Variants in RILPL1 observed in about 807,000 individuals in gnomAD.
RILPL1 encodes RILP-like protein 1.
In RILPL1, 33 loss-of-function variants were observed where a neutral mutation model predicts 50.3. The ratio of observed to expected loss-of-function variants is 0.66; its 90% CI spans 0.50 to 0.88. The LOEUF is 0.88. Ranked by LOEUF, RILPL1 falls within the 40% of genes least tolerant of loss-of-function variation. RILPL1 has a pLI of 0.00. For synonymous variants in RILPL1, 205 were observed against 228.6 expected (o/e 0.90, Z 0.93); for missense variants, 418 against 542.5 (o/e 0.77, Z 2.28).
chr12:123,475,343 C>T, intron 6 of RILPL1: 1 of 356,348 alleles, frequency 2.8e-6, no homozygotes, highest in Non-Finnish European at 5.3e-6. Flanking sequence ...TCGGGGACCG[C>T]AGTGGGCGTT....
chr12:123,473,917 T>C (rs1444005506), intron 6 of RILPL1: 2 of 152,104 alleles, frequency 1.3e-5, no homozygotes, highest in Non-Finnish European at 2.9e-5. Context: ...ATTTTTGAGA[T>C]GGGGTTTCAC....
chr12:123,507,519 G>A (rs1056041375), intron 2 of RILPL1, among the ~76,000 whole-genome samples: 4 of 132,838 alleles, frequency 3.0e-5, no homozygotes, highest in African/African-American at 8.3e-5. Flanking sequence ...GAGCTATGTC[G>A]TGCCACTGGA....
In RILPL1 at chr12:123,507,814, G is replaced by A. The variant is rs1593576778; in HGVS notation, c.461-8278C>T. The stretch of plus-strand genomic sequence containing the variant: ...AAATTAGCTGGGCGTGGTGGTGCAT[G>A]CCTGTAATCCCAGCTACCCAGGAGG... On this transcript the variant is annotated intron_variant, in intron 2 of 6. Coordinates refer to ENST00000376874, the MANE Select transcript of RILPL1 (RefSeq NM_178314.5). Among the ~76,000 whole-genome samples the A allele has an allele frequency of 2.0e-5, 3 of 151,918 alleles. No homozygotes were observed. The South Asian group carries it at 6.2e-4, about 32-fold the overall frequency.
rs990808269 is a variant in RILPL1 at position 123,522,309 on chromosome 12, G to A, written c.460+1186C>T. Among the ~76,000 whole-genome samples, 3 of 152,192 alleles carry A rather than the reference G, an allele frequency of 2.0e-5. No individual in the cohort carries two copies. The highest frequency in any genetic ancestry group is 7.2e-5 in the African/African-American group (3 of 41,444). Reference sequence around the variant, plus strand: ...CAGATGCCGCCCACAGCCCCGCCTGGCCCGAATCTTGCGGCCCATTTGTCC... The same window carrying A: ...CAGATGCCGCCCACAGCCCCGCCTGACCCGAATCTTGCGGCCCATTTGTCC... On this transcript the variant is annotated intron_variant, in intron 2 of 6. Coordinates refer to ENST00000376874, the MANE Select transcript of RILPL1 (RefSeq NM_178314.5). This position sits in a 1 kb window ranked among gnomAD's most constrained non-coding sequence, Gnocchi z 4.0.
rs997285779 is a variant in RILPL1, at chr12:123,471,749, A to G, written c.*789T>C. On this transcript the variant is annotated 3_prime_UTR_variant, in exon 7 of 7. Transcript: ENST00000376874. ...TCTTCTTCTTTGCAGGGGACTAAGT[A>G]TATGACTTAATGAATCCTAAAAGGA... The G allele has an allele frequency of 1.3e-5, 2 of 152,624 alleles. No homozygotes were observed. The highest frequency in any genetic ancestry group is 2.4e-5 in the African/African-American group (1 of 41,462). 9.5% of individuals were successfully genotyped at this position (152,624 alleles called of 1,614,324 possible).
chr12:123,513,310 A>G, intron 2 of RILPL1: 1 of 348,370 alleles, frequency 2.9e-6, no homozygotes, highest in Non-Finnish European at 6.0e-6. Flanking sequence ...CTGCCATTTG[A>G]ACACTTGTCC....
chr12:123,521,697 G>GTA (rs756932497), intron 2 of RILPL1, among the ~76,000 whole-genome samples: 16 of 96,322 alleles, frequency 1.7e-4, no homozygotes, highest in Non-Finnish European at 2.4e-4. Context: ...ACACATATAT[G>GTA]TATATATATA....
chr12:123,528,898 C>T (rs375436603), intron 1 of RILPL1, among the ~76,000 whole-genome samples: 10 of 152,114 alleles, frequency 6.6e-5, no homozygotes, highest in East Asian at 1.9e-4. Context: ...AGTGGTTCTC[C>T]GGAGAAGTCA....
intron 4 of RILPL1, among the ~76,000 whole-genome samples, chr12:123,492,890 C>T (rs1208034657): frequency 6.6e-6 from 1 of 152,182 alleles, no homozygotes; most frequent in Non-Finnish European, 1.5e-5. Context: ...CCCAGAGACA[C>T]AAACACTGCG....
At position 123,533,604 on chromosome 12, in the gene RILPL1, G is replaced by C. The variant is rs989795809; in HGVS notation, c.-122C>G. The stretch of plus-strand genomic sequence containing the variant: ...CGGGCGGGCGCGCTCAGCGGGCGCT[G>C]GGGCGAGGGCGCAGCGGGCAGCGGG... On this transcript the variant is annotated 5_prime_UTR_variant, in exon 1 of 7. Coordinates refer to ENST00000376874, the MANE Select transcript of RILPL1 (RefSeq NM_178314.5). The surrounding 1 kb of genome is among the most constrained non-coding windows in gnomAD (Gnocchi z 6.2). 10 of 719,704 alleles carry C rather than the reference G, an allele frequency of 1.4e-5. No homozygotes were observed. In the African/African-American group the frequency reaches 1.5e-4, roughly 11 times the overall value. The allele number at this position is 719,704 out of a possible 1,614,324, so 44.6% of individuals were successfully genotyped here.
At position 123,498,592 on chromosome 12, in the gene RILPL1, T is replaced by A. The variant is rs754674960; in HGVS notation, c.753A>T (p.Arg251=). 1.2e-5 allele frequency: 19 copies of A among 1,613,586 alleles called. No individual in the cohort carries two copies. In the Admixed American group the frequency reaches 2.0e-4, roughly 17 times the overall value. Residue 251 remains arginine, a synonymous_variant, in exon 4 of 7, where the codon CGA becomes CGT. Transcript: ENST00000376874. This position sits in a 1 kb window ranked among gnomAD's most constrained non-coding sequence, Gnocchi z 4.3. ...GGCTGTGCTCCCCCTGCAGCCTCTC[T>A]CGCAACTTCCCCAGCTCTGCTCGCA... ...GSLRAELGKL[R]ERLQGEHSQN... is the part of the protein sequence containing the mutation.
At chr12:123,512,666 GTGTGTGAGGTC>G (rs1884414102) in intron 2 of RILPL1, among the ~76,000 whole-genome samples, 1 of 145,998 alleles carries the variant, frequency 6.8e-6, no homozygotes, top group East Asian at 2.1e-4. Flanking sequence ...AGAGCTGTGT[GTGTGTGAGGTC>G]TGTGTGTGGT....
chr12:123,480,774 C>T (rs1274833241), intron 6 of RILPL1, among the ~76,000 whole-genome samples: 1 of 152,124 alleles, frequency 6.6e-6, no homozygotes, highest in Admixed American at 6.5e-5. Flanking sequence ...GAAGGGCTTC[C>T]TCCTCCCAAC....
At position 123,489,910 on chromosome 12, in the gene RILPL1, C is replaced by T. The variant is rs547983755; in HGVS notation, c.802-4105G>A. ...TTCTAAAACTCTGTTGAATTAGCTG[C>T]GAACTCTTTAAGATTAGGAGATTTC... On this transcript the variant is annotated intron_variant, in intron 4 of 6. Transcript: ENST00000376874. This position sits in a 1 kb window ranked among gnomAD's most constrained non-coding sequence, Gnocchi z 4.0. 3.3e-5 allele frequency among the ~76,000 whole-genome samples: 5 copies of T among 152,128 alleles called. No homozygotes were observed. Among genetic ancestry groups the T allele is most frequent in the African/African-American group, 4.8e-5 (2 of 41,432 alleles).
intron 2 of RILPL1, 65 bp downstream of exon 2, chr12:123,523,430 C>T (rs1420295361): frequency 3.1e-5 from 50 of 1,594,834 alleles, no homozygotes; most frequent in South Asian, 7.8e-5. Context: ...TGGCGACAAT[C>T]GCTGATGTGG....
intron 2 of RILPL1, among the ~76,000 whole-genome samples, chr12:123,518,549 T>G (rs1384147510): frequency 6.6e-6 from 1 of 150,654 alleles, no homozygotes; most frequent in Non-Finnish European, 1.5e-5. Flanking sequence ...AAATTTTATG[T>G]AAAATGTACG....
intron 4 of RILPL1, among the ~76,000 whole-genome samples, chr12:123,497,356 C>G (rs1883096388): frequency 6.6e-6 from 1 of 152,052 alleles, no homozygotes; most frequent in Non-Finnish European, 1.5e-5. Flanking sequence ...GTAACTGGGA[C>G]TACAGGCATA....
chr12:123,532,623 A>C (rs779386308), intron 1 of RILPL1, among the ~76,000 whole-genome samples: 14 of 147,766 alleles, frequency 9.5e-5, no homozygotes, highest in Non-Finnish European at 1.8e-4. Context: ...CCCGGGAAGA[A>C]AGTTGCAAAT....
chr12:123,503,364 A>G (rs1370735918), intron 2 of RILPL1, among the ~76,000 whole-genome samples: 1 of 151,062 alleles, frequency 6.6e-6, no homozygotes, highest in Non-Finnish European at 1.5e-5. Flanking sequence ...CAACCTGGCT[A>G]ATTTTTTTGT....
Sources: allele counts gnomAD v4.1 joint callset (sites outside exome capture counted in the v4.1 genomes callset), GRCh38; gene constraint gnomAD v4.1.1; non-coding constraint Gnocchi (gnomAD v3.1); transcripts MANE v1.5; gene names NCBI Gene and HGNC (gene_info 2026-07-23, HGNC 2026-07-21).